FADS2: variants seen among roughly 807,000 people sequenced by gnomAD.
The protein encoded by FADS2 is fatty acid desaturase 2.
FADS2 carries 18 observed loss-of-function variants against 61.2 expected under a neutral mutation model. The ratio of observed to expected loss-of-function variants is 0.29; its 90% CI spans 0.20 to 0.44. FADS2 has a LOEUF of 0.44. Among genes scored for constraint, FADS2 ranks in the 20% least tolerant of loss-of-function variants. FADS2 has a pLI of 1.00. For synonymous variants in FADS2, 203 were observed against 223.9 expected (o/e 0.91, Z 0.83); for missense variants, 322 against 572.7 (o/e 0.56, Z 4.47).
chr11:61,826,144 T>G (rs984948200), upstream of FADS2: 8 of 702,594 alleles, frequency 1.1e-5, no homozygotes, highest in East Asian at 2.1e-4. Context: ...CATGGTAAAG[T>G]CCTCCCTTCC....
chr11:61,817,600 A>G (rs960039458), intron 1 of FADS2, among the ~76,000 whole-genome samples: 4 of 152,078 alleles, frequency 2.6e-5, no homozygotes, highest in Non-Finnish European at 5.9e-5. Context: ...GCGTCTCCTG[A>G]CCCTTAGGTG....
chr11:61,852,293 C>T (rs1043224054), intron 5 of FADS2, among the ~76,000 whole-genome samples: 11 of 152,192 alleles, frequency 7.2e-5, no homozygotes, highest in Non-Finnish European at 1.0e-4. Flanking sequence ...CAAGGTCATG[C>T]TCTGTCACCT....
At chr11:61,818,414 G>T (rs978997166) in intron 1 of FADS2, among the ~76,000 whole-genome samples, 8 of 152,116 alleles carry the variant, frequency 5.3e-5, no homozygotes, top group Non-Finnish European at 8.8e-5. Context: ...CAACAACTTG[G>T]CAGTGTCTAA....
Position 61,865,733 on chromosome 11 carries a change from G to T in FADS2, c.*44G>T, listed in dbSNP as rs1259325292. On this transcript the variant is annotated 3_prime_UTR_variant, in exon 12 of 12. Coordinates refer to ENST00000278840, the MANE Select transcript of FADS2 (RefSeq NM_004265.4). The surrounding 1 kb of genome is among the most constrained non-coding windows in gnomAD (Gnocchi z 4.1). ...ACCGTGGGGAAGGGGTGCAGGTGGG[G>T]TGATGGCCAGAGGAATGATGGGCTT... 2 of 1,548,834 alleles carry T rather than the reference G, an allele frequency of 1.3e-6. No homozygotes were observed. Among genetic ancestry groups the T allele is most frequent in the Admixed American group, 1.7e-5 (1 of 57,504 alleles).
At chr11:61,820,833 A>G (rs174564) in intron 1 of FADS2, among the ~76,000 whole-genome samples, 46,026 of 151,928 alleles carry the variant, frequency 0.3, 8,545 homozygotes, top group East Asian at 0.56. Flanking sequence ...CCAGGAGGCA[A>G]AGGTTGCAGT....
At chr11:61,824,502 GGAAA>G (rs1555073325), upstream of FADS2, among the ~76,000 whole-genome samples, 7 of 21,688 alleles carry the variant, frequency 3.2e-4, no homozygotes, top group African/African-American at 9.8e-4. Flanking sequence ...AAGAAAGAAA[GGAAA>G]GAAAGAAAGA....
chr11:61,851,504 G>A (rs1565333876), intron 5 of FADS2, among the ~76,000 whole-genome samples: 1 of 152,228 alleles, frequency 6.6e-6, no homozygotes, highest in Non-Finnish European at 1.5e-5. Context: ...GAAAGGATTG[G>A]TGCTTCCTGG....
intron 1 of FADS2, among the ~76,000 whole-genome samples, chr11:61,820,756 G>A (rs1011129470): frequency 9.9e-5 from 15 of 152,102 alleles, no homozygotes; most frequent in East Asian, 3.9e-4. Flanking sequence ...AAAATTAGCC[G>A]GGTGTGGTGG....
chr11:61,861,030 C>A (rs2067409246), intron 7 of FADS2, among the ~76,000 whole-genome samples: 1 of 150,978 alleles, frequency 6.6e-6, no homozygotes, highest in Non-Finnish European at 1.5e-5. Flanking sequence ...GTAAGTGAGA[C>A]CCCCCCATCT....
chr11:61,819,860 TC>T (rs2067024088), intron 1 of FADS2, among the ~76,000 whole-genome samples: 1 of 105,862 alleles, frequency 9.4e-6, no homozygotes, highest in African/African-American at 3.6e-5. Context: ...ATGCTATCCC[TC>T]CCCCCTCCCC....
Position 61,816,341 on chromosome 11 carries a change from TC to T in FADS2, c.60del (p.Thr21LeufsTer44). The T allele has an allele frequency of 6.3e-7, 1 of 1,598,222 alleles. No homozygotes were observed. The highest frequency in any genetic ancestry group is 8.5e-7 in the Non-Finnish European group (1 of 1,179,752). On this transcript the variant is annotated frameshift_variant, in exon 1 of 12. Transcript: ENST00000257261. LOFTEE classifies it high-confidence loss of function. This position sits in a 1 kb window ranked among gnomAD's most constrained non-coding sequence, Gnocchi z 7.0. ...TGTGTGTGCGTGTTGTTGGCCTCCA[TC>T]CCCACTCCCCAGACTCCACTTCTCC...
intron 5 of FADS2, among the ~76,000 whole-genome samples, chr11:61,850,748 C>A (rs1480433917): frequency 6.6e-6 from 1 of 152,128 alleles, no homozygotes; most frequent in African/African-American, 2.4e-5. Flanking sequence ...TTATGCAGAT[C>A]TTAGGAGCCA....
In FADS2 at chr11:61,848,152, C is replaced by T. The variant is rs375947275; in HGVS notation, c.619-7C>T. 1 of 1,614,126 alleles carries T rather than the reference C, an allele frequency of 6.2e-7. No homozygotes were observed. Among genetic ancestry groups the T allele is most frequent in the Non-Finnish European group, 8.5e-7 (1 of 1,179,994 alleles). ...CATGGCTCATCCCCACCCCTCTCTCCCCACAGGGTGCCTCTGCCAACTGGT... is the reference window on the plus strand; with the variant it reads ...CATGGCTCATCCCCACCCCTCTCTCTCCACAGGGTGCCTCTGCCAACTGGT... On this transcript the variant is annotated splice_polypyrimidine_tract_variant and splice_region_variant and intron_variant, in intron 4 of 11. Coordinates refer to ENST00000278840, the MANE Select transcript of FADS2 (RefSeq NM_004265.4).
chr11:61,822,751 G>A (rs376210521), intron 1 of FADS2, among the ~76,000 whole-genome samples: 2 of 152,138 alleles, frequency 1.3e-5, no homozygotes, highest in African/African-American at 4.8e-5. Flanking sequence ...TTTATAATGA[G>A]AATATTTACT....
chr11:61,840,821 G>T lies in FADS2; in HGVS notation c.618+96G>T, dbSNP rs375897119. 2.2e-4 allele frequency: 210 copies of T among 953,354 alleles called. 4 individuals are homozygous for T. The South Asian group carries it at 2.9e-3, about 13-fold the overall frequency. 59.1% of individuals were successfully genotyped at this position (953,354 alleles called of 1,614,324 possible). On this transcript the variant is annotated intron_variant, in intron 4 of 11. Transcript: ENST00000278840. ...CTGCTCAGTGCTCTGAGGCTACAGG[G>T]TGACAAGGCAGGTGTGCCTATGCTG...
At position 61,857,009 on chromosome 11, in the gene FADS2, A is replaced by G; in HGVS notation, c.745-2A>G. The G allele has an allele frequency of 1.2e-6, 2 of 1,613,586 alleles. No individual in the cohort carries two copies. Among genetic ancestry groups the G allele is most frequent in the Non-Finnish European group, 1.7e-6 (2 of 1,179,588 alleles). The stretch of plus-strand genomic sequence containing the variant: ...TGCTCATGATCTCTCCTCTCTCCTC[A>G]GTACGGCAAGAAGAAGCTGAAATAC... On this transcript the variant is annotated splice_acceptor_variant, in intron 5 of 11. Coordinates refer to ENST00000278840, the MANE Select transcript of FADS2 (RefSeq NM_004265.4). LOFTEE classifies it high-confidence loss of function.
At chr11:61,849,906 CTG>C (rs2067290891) in intron 5 of FADS2, 1 of 151,512 alleles carries the variant, frequency 6.6e-6, no homozygotes, top group South Asian at 2.1e-4. Context: ...TGGTGTGCGT[CTG>C]TGGTCCCAGG....
intron 1 of FADS2, among the ~76,000 whole-genome samples, chr11:61,829,866 G>C (rs1254620325): frequency 6.6e-6 from 1 of 152,176 alleles, no homozygotes; most frequent in Non-Finnish European, 1.5e-5. Flanking sequence ...CTAGGGGAAG[G>C]CCAGACCAGG....
Position 61,848,032 on chromosome 11 carries a change from TG to T in FADS2, c.619-122del. The T allele has an allele frequency of 1.2e-5, 13 of 1,103,596 alleles. No homozygotes were observed. The South Asian group carries it at 1.5e-4, about 12-fold the overall frequency. The allele number at this position is 1,103,596 out of a possible 1,614,324, so 68.4% of individuals were successfully genotyped here. A position where few individuals can be genotyped will look rare whatever the true frequency, so the allele number is the denominator to read the frequency against. On this transcript the variant is annotated intron_variant, in intron 4 of 11. Transcript: ENST00000278840. ...ATGGCAGGGCTGGATTCTGGCCTTG[TG>T]GGGGCCTGAAGTGCTATCCCCGAGG...
Sources: allele counts gnomAD v4.1 joint callset (sites outside exome capture counted in the v4.1 genomes callset), GRCh38; gene constraint gnomAD v4.1.1; non-coding constraint Gnocchi (gnomAD v3.1); transcripts MANE v1.5; gene names NCBI Gene and HGNC (gene_info 2026-07-23, HGNC 2026-07-21).